CEP63: variants seen among roughly 807,000 people sequenced by gnomAD.
The protein encoded by CEP63 is centrosomal protein 63.
Under a neutral mutation model 89.1 loss-of-function variants are expected in CEP63, and 84 were observed. The observed-to-expected ratio is 0.94, with a 90% CI of 0.79 to 1.13. The LOEUF is 1.13. Among genes scored for constraint, CEP63 ranks in the 50% most tolerant of loss-of-function variants. The pLI is 0.00. For missense variants in CEP63, 838 were observed against 813.3 expected, an observed-to-expected ratio of 1.03 and a Z score of -0.37; for synonymous variants, 267 against 272.5, an observed-to-expected ratio of 0.98 and a Z score of 0.20.
At chr3:134,745,285 G>T in the CEP63 span, among the ~76,000 whole-genome samples, 1 of 152,178 alleles carries the variant, frequency 6.6e-6, no homozygotes, top group Admixed American at 6.5e-5. Context: ...ACTTTTAGTT[G>T]TTTCAGTTCA....
At chr3:134,726,194 T>A in the CEP63 span, among the ~76,000 whole-genome samples, 4 of 152,260 alleles carry the variant, frequency 2.6e-5, no homozygotes, top group Admixed American at 2.6e-4. Flanking sequence ...GGCGAGAGAA[T>A]CTGTCTCCTT....
chr3:134,750,114 T>C, the CEP63 span, among the ~76,000 whole-genome samples: 3 of 152,240 alleles, frequency 2.0e-5, no homozygotes, highest in East Asian at 1.9e-4. Flanking sequence ...CTGCAGTGCT[T>C]TGGGGACTGA....
the CEP63 span, among the ~76,000 whole-genome samples, chr3:134,685,365 C>T: frequency 2.0e-5 from 3 of 152,048 alleles, no homozygotes; most frequent in African/African-American, 7.2e-5. Flanking sequence ...AACGTGAACA[C>T]AAACATACTG....
chr3:134,697,597 T>C, the CEP63 span, among the ~76,000 whole-genome samples: 3 of 152,188 alleles, frequency 2.0e-5, no homozygotes, highest in Non-Finnish European at 4.4e-5. Flanking sequence ...CCAGCACTCA[T>C]GCTCTTTGCT....
chr3:134,614,903 T>G, the CEP63 span, among the ~76,000 whole-genome samples: 2 of 152,074 alleles, frequency 1.3e-5, no homozygotes, highest in Non-Finnish European at 2.9e-5. Flanking sequence ...TCACCTCTCC[T>G]AGGATGTGTG....
chr3:134,552,840 T>G (rs745680593), intron 12 of CEP63: 5 of 152,146 alleles, frequency 3.3e-5, no homozygotes, highest in Non-Finnish European at 5.9e-5. Flanking sequence ...GATAGCATTC[T>G]TGCCTTTAAG....
chr3:134,513,810 A>G (rs971113361), intron 3 of CEP63, among the ~76,000 whole-genome samples: 1 of 152,164 alleles, frequency 6.6e-6, no homozygotes, highest in African/African-American at 2.4e-5. Flanking sequence ...GTTTTAAGTT[A>G]AACTTAAGAG....
the CEP63 span, among the ~76,000 whole-genome samples, chr3:134,754,723 G>A: frequency 6.6e-6 from 1 of 152,156 alleles, no homozygotes; most frequent in Admixed American, 6.5e-5. Context: ...TCTTTTAAGA[G>A]TTCAGTTAGT....
the CEP63 span, chr3:134,610,466 T>C: frequency 8.2e-7 from 1 of 1,216,388 alleles, no homozygotes; most frequent in South Asian, 1.4e-5. Context: ...GTTTCAGGCA[T>C]GTTTGCTGCC....
At chr3:134,701,356 A>G in the CEP63 span, among the ~76,000 whole-genome samples, 33 of 20,390 alleles carry the variant, frequency 1.6e-3, 1 homozygote, top group Admixed American at 2.4e-3. Context: ...ATATATGTGT[A>G]TATATACATA....
the CEP63 span, chr3:134,608,229 A>G: frequency 1.7e-6 from 2 of 1,187,878 alleles, no homozygotes; most frequent in South Asian, 3.2e-5. Context: ...TGGGGACCTG[A>G]GCCCAGAGGC....
chr3:134,740,832 C>A, the CEP63 span, among the ~76,000 whole-genome samples: 5 of 152,182 alleles, frequency 3.3e-5, no homozygotes, highest in Non-Finnish European at 7.3e-5. Context: ...GGAAGAGGTT[C>A]AAATGAGTAC....
At chr3:134,649,227 CT>C in the CEP63 span, among the ~76,000 whole-genome samples, 9 of 152,274 alleles carry the variant, frequency 5.9e-5, no homozygotes, top group Middle Eastern at 3.4e-3. Context: ...CATTAGGGGT[CT>C]TTTTTTCTCT....
chr3:134,515,024 T>A (rs1945905885), intron 3 of CEP63, among the ~76,000 whole-genome samples: 1 of 152,194 alleles, frequency 6.6e-6, no homozygotes, highest in Admixed American at 6.5e-5. Flanking sequence ...CTAACGGTAA[T>A]TGCCTTTTGA....
At chr3:134,773,787 C>T in the CEP63 span, among the ~76,000 whole-genome samples, 3 of 152,158 alleles carry the variant, frequency 2.0e-5, no homozygotes, top group African/African-American at 4.8e-5. Flanking sequence ...AGGTGCATCC[C>T]TCATTCCTCC....
chr3:134,561,658 T>C lies in CEP63; in HGVS notation c.*123T>C. The C allele has an allele frequency of 2.0e-6, 3 of 1,494,496 alleles. No individual in the cohort carries two copies. Among genetic ancestry groups the C allele is most frequent in the Non-Finnish European group, 2.7e-6 (3 of 1,126,258 alleles). 92.6% of individuals were successfully genotyped at this position (1,494,496 alleles called of 1,614,324 possible). The stretch of plus-strand genomic sequence containing the variant: ...TATAAAAATGATACATCTAAAGCAG[T>C]GGTGAAGAAAGCTGAAAAACTGATA... On this transcript the variant is annotated 3_prime_UTR_variant, in exon 15 of 15. Transcript: ENST00000675561.
At chr3:134,571,224 C>G (rs1488742597) in intron 11 of CEP63, among the ~76,000 whole-genome samples, 2 of 152,252 alleles carry the variant, frequency 1.3e-5, no homozygotes, top group African/African-American at 4.8e-5. Flanking sequence ...CTCTCTCCCT[C>G]CCACTGGCAA....
At chr3:134,715,556 A>G in the CEP63 span, among the ~76,000 whole-genome samples, 1 of 141,858 alleles carries the variant, frequency 7.0e-6, no homozygotes. Flanking sequence ...CTCTCTCTAG[A>G]CTGGGTTGGG....
chr3:134,763,479 A>T, the CEP63 span, among the ~76,000 whole-genome samples: 2 of 152,342 alleles, frequency 1.3e-5, no homozygotes, highest in South Asian at 2.1e-4. Context: ...GGAGAAGATC[A>T]GTACATCTCA....
Sources: allele counts gnomAD v4.1 joint callset (sites outside exome capture counted in the v4.1 genomes callset), GRCh38; gene constraint gnomAD v4.1.1; transcripts MANE v1.5; gene names NCBI Gene and HGNC (gene_info 2026-07-23, HGNC 2026-07-21).